CAPN15: variants seen among roughly 807,000 people sequenced by gnomAD.
The protein encoded by CAPN15 is calpain-15.
In CAPN15, 53 loss-of-function variants were observed where a neutral mutation model predicts 97.9. The observed-to-expected ratio is 0.54, with a 90% CI of 0.43 to 0.68. CAPN15 has a LOEUF of 0.68. CAPN15 is among the 30% of genes least tolerant of loss of function. CAPN15 has a pLI of 0.00. For synonymous variants in CAPN15, 922 were observed against 722.5 expected (o/e 1.28, Z -4.43); for missense variants, 1,592 against 1,589.8 (o/e 1.00, Z -0.02).
chr16:532,002 G>A (rs545524386), intron 1 of CAPN15, among the ~76,000 whole-genome samples: 4 of 152,284 alleles, frequency 2.6e-5, no homozygotes, highest in Admixed American at 2.6e-4. Context: ...CCCTTTCAGA[G>A]GCCGAGGCAG....
At chr16:541,155 T>A (rs2034085134) in intron 3 of CAPN15, among the ~76,000 whole-genome samples, 1 of 152,118 alleles carries the variant, frequency 6.6e-6, no homozygotes, top group South Asian at 2.1e-4. Flanking sequence ...GGCCCCCAGG[T>A]GGGAGGGACG....
At chr16:537,446 G>A in intron 3 of CAPN15, 1 of 985,628 alleles carries the variant, frequency 1.0e-6, no homozygotes, top group Non-Finnish European at 1.2e-6. Context: ...GTGAGTGCGT[G>A]GGTGGGTGAG....
chr16:547,837 C>A lies in CAPN15; in HGVS notation c.999C>A (p.Pro333=), dbSNP rs531692482. The change falls in exon 4 of 14, where the codon CCC becomes CCA. Residue 333 remains proline, a synonymous_variant. Coordinates refer to ENST00000219611, the MANE Select transcript of CAPN15 (RefSeq NM_005632.3). ...CCGGAGACACCGTGCGTTACACGCC[C>A]GCCAGCCCCTCCAGCCCCGACTTCA... ...DLAGDTVRYT[P]ASPSSPDFTT... 6 of 1,610,856 alleles carry A rather than the reference C, an allele frequency of 3.7e-6. No individual in the cohort carries two copies. The East Asian group carries it at 1.1e-4, about 30-fold the overall frequency.
At chr16:529,931 G>T (rs968501904) in intron 1 of CAPN15, among the ~76,000 whole-genome samples, 1 of 152,112 alleles carries the variant, frequency 6.6e-6, no homozygotes, top group Non-Finnish European at 1.5e-5. Flanking sequence ...GGGCTGCCTC[G>T]TGCGCTTTGC....
In CAPN15 at chr16:528,197, G is replaced by A. The variant is rs565623727; in HGVS notation, c.-190+168G>A. On this transcript the variant is annotated intron_variant, in intron 1 of 13. Coordinates refer to ENST00000219611, the MANE Select transcript of CAPN15 (RefSeq NM_005632.3). ...GCAGGGACGGCAGGGCCCCCGGAGTGGGGTCAGCCCGCCGCCCGCTGGCGC... is the reference window on the plus strand; with the variant it reads ...GCAGGGACGGCAGGGCCCCCGGAGTAGGGTCAGCCCGCCGCCCGCTGGCGC... 2.1e-3 allele frequency among the ~76,000 whole-genome samples: 325 copies of A among 151,788 alleles called. 5 individuals carry two copies. Among genetic ancestry groups the A allele is most frequent in the African/African-American group, 7.5e-3 (312 of 41,484 alleles).
chr16:531,938 C>T (rs544804136), intron 1 of CAPN15, among the ~76,000 whole-genome samples: 1 of 152,206 alleles, frequency 6.6e-6, no homozygotes, highest in Admixed American at 6.5e-5. Flanking sequence ...TCCTTTTTTC[C>T]TGTTAAAAAT....
rs959581309 is a variant in CAPN15, at chr16:540,087, G to T, written c.-23+3945G>T. On this transcript the variant is annotated intron_variant, in intron 3 of 13. Transcript: ENST00000219611. ...GTTTATTTTTGTTGTGTGTCACTCT[G>T]CCCAGCCGGCCGTCCTGTCTCTTCC... 1.0e-5 allele frequency: 10 copies of T among 985,230 alleles called. No individual in the cohort carries two copies. The African/African-American group carries it at 1.4e-4, about 14-fold the overall frequency. 61.0% of individuals were successfully genotyped at this position (985,230 alleles called of 1,614,324 possible).
chr16:535,780 C>A lies in CAPN15; in HGVS notation c.-136-249C>A, dbSNP rs909154978. On this transcript the variant is annotated intron_variant, in intron 2 of 13. Transcript: ENST00000219611. This position sits in a 1 kb window ranked among gnomAD's most constrained non-coding sequence, Gnocchi z 6.2. ...CACGGCTCCTGCTGGTTCCCATTCG[C>A]GAGCACCTGAAACAGCCTGGCCCAC... 3.9e-5 allele frequency among the ~76,000 whole-genome samples: 6 copies of A among 152,146 alleles called. No individual in the cohort carries two copies. Among genetic ancestry groups the A allele is most frequent in the African/African-American group, 1.4e-4 (6 of 41,428 alleles).
Position 553,991 on chromosome 16 carries a change from C to CG in CAPN15, c.*479dup, listed in dbSNP as rs562644577. On this transcript the variant is annotated 3_prime_UTR_variant, in exon 14 of 14. Transcript: ENST00000219611. ...GGGTCCCTGTCCCCCACAGGGCAGG[C>CG]GGGGTCCCTGGAGCCCTGGTGTGGA... 39 of 184,046 alleles carry CG rather than the reference C, an allele frequency of 2.1e-4. 1 individual carries two copies. The South Asian group carries it at 5.0e-3, about 24-fold the overall frequency. The allele number at this position is 184,046 out of a possible 1,614,324, so 11.4% of individuals were successfully genotyped here.
At position 547,209 on chromosome 16, in the gene CAPN15, A is replaced by T; in HGVS notation, c.371A>T (p.Glu124Val). 1 of 1,528,366 alleles carries T rather than the reference A, an allele frequency of 6.5e-7. No homozygotes were observed. The highest frequency in any genetic ancestry group is 8.7e-7 in the Non-Finnish European group (1 of 1,143,386). 94.7% of individuals were successfully genotyped at this position (1,528,366 alleles called of 1,614,324 possible). The stretch of plus-strand genomic sequence containing the variant: ...ACGGAGCCCGCCAGGGGGCAGTGCG[A>T]GGACAAGGACGAGGAGGAGAAGGAG... Reference protein sequence around the residue: ...VATEPARGQCEDKDEEEKEEQ... With the variant: ...VATEPARGQCVDKDEEEKEEQ... Residue 124 changes from glutamate (E) to valine (V), a missense_variant, in exon 4 of 14, where the codon GAG (glutamate) becomes GTG (valine). Glu to Val is a moderately radical substitution (Grantham distance 121, BLOSUM62 -2). This residue lies in a region of CAPN15 where 883 missense variants were observed against 776.6 expected (regional missense o/e 1.14). Transcript: ENST00000219611.
In CAPN15 at chr16:552,522, C is replaced by A. The variant is rs754802214; in HGVS notation, c.2729C>A (p.Ala910Asp). 3 of 1,600,662 alleles carry A rather than the reference C, an allele frequency of 1.9e-6. No individual in the cohort carries two copies. Among genetic ancestry groups the A allele is most frequent in the African/African-American group, 2.7e-5 (2 of 74,782 alleles). The change falls in exon 11 of 14, where the codon GCC becomes GAC. Residue 910 changes from alanine to aspartate, a missense_variant. Around this residue, in one of 3 missense-constraint regions of CAPN15, gnomAD observed 644 missense variants for 699.6 expected, o/e 0.92. Transcript: ENST00000219611. The surrounding 1 kb of genome is among the most constrained non-coding windows in gnomAD (Gnocchi z 6.4). ...GGGCCGCCCCTGCCGGGCACCCCTG[C>A]CCCCCAGGGTACGTGGCCCCTACCC... ...HWGPPLPGTP[A>D]PQASSPSAGV...
chr16:547,050 C>A lies in CAPN15; in HGVS notation c.212C>A (p.Pro71Gln). The A allele has an allele frequency of 8.1e-6, 13 of 1,606,018 alleles. No homozygotes were observed. The highest frequency in any genetic ancestry group is 1.1e-5 in the Non-Finnish European group (13 of 1,178,216). Residue 71 changes from proline to glutamine, a missense_variant, in exon 4 of 14, where the codon CCG becomes CAG. Coordinates refer to ENST00000219611, the MANE Select transcript of CAPN15 (RefSeq NM_005632.3). Reference sequence around the variant, plus strand: ...GCCTGCGAGGTGTGCGGCTTCACCCCGGAGCCTGCGCCTGGGGCTGCCTTC... The same window carrying A: ...GCCTGCGAGGTGTGCGGCTTCACCCAGGAGCCTGCGCCTGGGGCTGCCTTC... ...KEACEVCGFT[P>Q]EPAPGAAFLP...
rs773166224 is a variant in CAPN15, at chr16:551,371, C to T, written c.2136C>T (p.Gly712=). 3.7e-6 allele frequency: 6 copies of T among 1,610,048 alleles called. No homozygotes were observed. Among genetic ancestry groups the T allele is most frequent in the African/African-American group, 1.3e-5 (1 of 74,898 alleles). ...ACGATTCGGCCTACGAGAGCCTGGG[C>T]CTGCGCCCCCGGCATGCCTACTCCA... The part of the protein sequence containing the change: ...KVDDSAYESL[G]LRPRHAYSIL... The change falls in exon 8 of 14, where the codon GGC becomes GGT. Residue 712 remains glycine, a synonymous_variant. Transcript: ENST00000219611.
chr16:546,940 C>T lies in CAPN15; in HGVS notation c.102C>T (p.Asp34=), dbSNP rs2034627053. Residue 34 remains aspartate, a synonymous_variant, in exon 4 of 14, where the codon GAC becomes GAT. Coordinates refer to ENST00000219611, the MANE Select transcript of CAPN15 (RefSeq NM_005632.3). ...GCGAGGCTCCCCGGCACAAGCCCGA[C>T]CTCAACCACATCCTGCGGCTCAGCG... ...SICEAPRHKP[D]LNHILRLSVE... 2.5e-6 allele frequency: 4 copies of T among 1,610,682 alleles called. No homozygotes were observed. Among genetic ancestry groups the T allele is most frequent in the Non-Finnish European group, 3.4e-6 (4 of 1,179,904 alleles).
intron 7 of CAPN15, among the ~76,000 whole-genome samples, chr16:550,965 C>T (rs545242667): frequency 1.8e-4 from 20 of 108,686 alleles, no homozygotes; most frequent in Middle Eastern, 8.5e-3. Flanking sequence ...GGGCCCCGGT[C>T]GGTGAGGGTC....
At chr16:550,880 T>TGTCGGTGAGGTCCCTG (rs2034983423) in intron 7 of CAPN15, among the ~76,000 whole-genome samples, 5 of 56,326 alleles carry the variant, frequency 8.9e-5, no homozygotes, top group Admixed American at 4.1e-4. Context: ...GAGGGTCCCC[T>TGTCGGTGAGGTCCCTG]GTCGGTGAGG....
At chr16:530,239 C>T (rs568404904) in intron 1 of CAPN15, among the ~76,000 whole-genome samples, 8 of 152,348 alleles carry the variant, frequency 5.3e-5, no homozygotes, top group East Asian at 1.9e-4. Context: ...CACTTGGGAC[C>T]GCCCTGTCTC....
rs368681294 is a variant in CAPN15 at position 546,828 on chromosome 16, C to T, written c.-11C>T. The T allele has an allele frequency of 2.9e-5, 46 of 1,589,900 alleles. No individual in the cohort carries two copies. Among genetic ancestry groups the T allele is most frequent in the Non-Finnish European group, 3.4e-5 (40 of 1,165,628 alleles). On this transcript the variant is annotated 5_prime_UTR_variant, in exon 4 of 14. Transcript: ENST00000219611. ...ACCTTCCCTTGCAGCCACACCCACT[C>T]GCCCGGGTCTATGGCCACGGTCGGA...
rs1284494378 is a variant in CAPN15 at position 535,161 on chromosome 16, C to T, written c.-136-868C>T. On this transcript the variant is annotated intron_variant, in intron 2 of 13. Coordinates refer to ENST00000219611, the MANE Select transcript of CAPN15 (RefSeq NM_005632.3). This position sits in a 1 kb window ranked among gnomAD's most constrained non-coding sequence, Gnocchi z 6.2. ...CCTTTGCCTGCATCCACTGGAGCCT[C>T]AGGAGCATGCGTTCCGTCCCCACGG... 6.6e-6 allele frequency among the ~76,000 whole-genome samples: 1 copy of T among 152,156 alleles called. No homozygotes were observed. Among genetic ancestry groups the T allele is most frequent in the Non-Finnish European group, 1.5e-5 (1 of 68,006 alleles).
Sources: allele counts gnomAD v4.1 joint callset (sites outside exome capture counted in the v4.1 genomes callset), GRCh38; gene constraint gnomAD v4.1.1; regional missense constraint gnomAD v4.1.1; non-coding constraint Gnocchi (gnomAD v3.1); transcripts MANE v1.5; gene names NCBI Gene and HGNC (gene_info 2026-07-23, HGNC 2026-07-21).